ARHGEF3: variants seen among roughly 807,000 people sequenced by gnomAD.
ARHGEF3 encodes 59.8 kDA protein.
A neutral mutation model predicts 63.2 loss-of-function variants in ARHGEF3; 28 were observed. The ratio of observed to expected loss-of-function variants is 0.44; its 90% CI spans 0.33 to 0.61. The LOEUF (loss-of-function observed/expected upper bound fraction) is 0.61, where lower values mean the gene tolerates loss of function less well. Ranked by LOEUF, ARHGEF3 falls within the 20% of genes least tolerant of loss-of-function variation. The pLI is 0.03. For missense variants in ARHGEF3, 533 were observed against 659.3 expected (o/e 0.81, Z 2.10); for synonymous variants, 266 against 254.2 (o/e 1.05, Z -0.44).
chr3:56,899,317 AAC>A (rs1338927547), intron 3 of ARHGEF3, among the ~76,000 whole-genome samples: 2 of 152,228 alleles, frequency 1.3e-5, no homozygotes, highest in Non-Finnish European at 2.9e-5. Flanking sequence ...TTTACCCAGC[AAC>A]AGATCACATA....
rs116652263 is a variant in ARHGEF3, at chr3:56,867,667, C to T, written c.192+14625G>A. Among the ~76,000 whole-genome samples the T allele has an allele frequency of 4.0e-3, 605 of 152,118 alleles. 6 individuals are homozygous for T. Among genetic ancestry groups the T allele is most frequent in the African/African-American group, 0.013 (560 of 41,510 alleles). On this transcript the variant is annotated intron_variant, in intron 4 of 12. Coordinates refer to the ARHGEF3 transcript ENST00000338458. ...TATATTTTTCATAGAGACAGGGTTTCGTCGTGTTGCCCAGGTTGGTCTCGA... is the reference window on the plus strand; with the variant it reads ...TATATTTTTCATAGAGACAGGGTTTTGTCGTGTTGCCCAGGTTGGTCTCGA...
chr3:56,819,517 T>G (rs895563583), intron 4 of ARHGEF3, among the ~76,000 whole-genome samples: 3 of 140,204 alleles, frequency 2.1e-5, no homozygotes, highest in Admixed American at 6.8e-5. Flanking sequence ...GGCAGTTTTT[T>G]TTTTTTTTTT....
At chr3:56,978,100 C>T (rs1181497326) in intron 2 of ARHGEF3, among the ~76,000 whole-genome samples, 3 of 152,174 alleles carry the variant, frequency 2.0e-5, no homozygotes, top group Non-Finnish European at 1.5e-5. Context: ...GTGCGGTCAC[C>T]CCCGCCCCGT....
chr3:57,069,213 G>A (rs1377266014), intron 1 of ARHGEF3, among the ~76,000 whole-genome samples: 1 of 152,132 alleles, frequency 6.6e-6, no homozygotes, highest in Non-Finnish European at 1.5e-5. Context: ...GAGCCACCAC[G>A]CCTGGCCTAG....
At chr3:56,905,077 C>G (rs1443831625) in intron 3 of ARHGEF3, among the ~76,000 whole-genome samples, 2 of 152,202 alleles carry the variant, frequency 1.3e-5, no homozygotes, top group African/African-American at 4.8e-5. Flanking sequence ...CTGAAGGACT[C>G]CTATGCATCT....
At chr3:56,864,035 G>A (rs1227707881) in intron 4 of ARHGEF3, among the ~76,000 whole-genome samples, 8 of 152,262 alleles carry the variant, frequency 5.3e-5, no homozygotes, top group South Asian at 2.1e-4. Context: ...CTGCCCTACA[G>A]ACAGCTAAGC....
In ARHGEF3 at chr3:56,795,645, G is replaced by GTC. The variant is rs202134906; in HGVS notation, c.96+6056_96+6057dup. Among the ~76,000 whole-genome samples, 179 of 92,968 alleles carry GTC rather than the reference G, an allele frequency of 1.9e-3. 7 individuals carry two copies. Among genetic ancestry groups the GTC allele is most frequent in the African/African-American group, 2.4e-3 (44 of 18,256 alleles). The allele number at this position is 92,968 out of a possible 152,430, so 61.0% of individuals were successfully genotyped here. A position where few individuals can be genotyped will look rare whatever the true frequency, so the allele number is the denominator to read the frequency against. ...CCTTTCCTGATTAACTTGTGACACAGTCTCTCTCTCTTTTTTTTTTTTGAA... is the reference window on the plus strand; with the variant it reads ...CCTTTCCTGATTAACTTGTGACACAGTCTCTCTCTCTCTTTTTTTTTTTTGAA... On this transcript the variant is annotated intron_variant, in intron 1 of 9. Coordinates refer to ENST00000296315, the MANE Select transcript of ARHGEF3 (RefSeq NM_019555.3).
At chr3:57,055,163 C>CTTTT (rs71623876) in intron 1 of ARHGEF3, among the ~76,000 whole-genome samples, 2 of 135,304 alleles carry the variant, frequency 1.5e-5, no homozygotes, top group African/African-American at 5.4e-5. Flanking sequence ...TCTCTTTATG[C>CTTTT]TTTTTTTTTT....
intron 2 of ARHGEF3, among the ~76,000 whole-genome samples, chr3:57,012,408 G>A (rs944802036): frequency 5.9e-5 from 9 of 152,040 alleles, no homozygotes; most frequent in Non-Finnish European, 8.8e-5. Context: ...ACTGGTGCCC[G>A]CCATGACACC....
intron 4 of ARHGEF3, among the ~76,000 whole-genome samples, chr3:56,817,886 C>G (rs1233226679): frequency 2.0e-5 from 3 of 152,198 alleles, no homozygotes; most frequent in Non-Finnish European, 4.4e-5. Flanking sequence ...ACACCATGGG[C>G]AAGTGGCTTT....
chr3:57,016,738 C>T (rs1378709313), intron 2 of ARHGEF3, among the ~76,000 whole-genome samples: 1 of 152,108 alleles, frequency 6.6e-6, no homozygotes, highest in African/African-American at 2.4e-5. Flanking sequence ...TGAGTTGGTG[C>T]ACAGTGTCCT....
intron 3 of ARHGEF3, among the ~76,000 whole-genome samples, chr3:56,950,721 C>T (rs1459763138): frequency 1.3e-5 from 2 of 152,068 alleles, no homozygotes; most frequent in Admixed American, 6.5e-5. Flanking sequence ...GTCAGTGTGG[C>T]GATTCCTCAG....
intron 1 of ARHGEF3, among the ~76,000 whole-genome samples, chr3:56,776,524 A>G (rs564477126): frequency 3.2e-4 from 49 of 152,336 alleles, no homozygotes; most frequent in East Asian, 7.7e-4. Context: ...ACATGAGTAA[A>G]ATATGAATTA....
chr3:56,752,764 C>T (rs980051683), intron 4 of ARHGEF3, among the ~76,000 whole-genome samples: 2 of 152,136 alleles, frequency 1.3e-5, no homozygotes, highest in African/African-American at 4.8e-5. Context: ...TCCAGCTCTG[C>T]CTAAAACTCA....
Position 56,948,009 on chromosome 3 carries a change from A to G in ARHGEF3, c.129+10814T>C, listed in dbSNP as rs368163572. Among the ~76,000 whole-genome samples the G allele has an allele frequency of 1.3e-3, 201 of 152,334 alleles. 1 individual carries two copies. Among genetic ancestry groups the G allele is most frequent in the Non-Finnish European group, 2.3e-3 (156 of 68,036 alleles). ...CCGCTCAACTACATGGAAACTGAAC[A>G]ACCTGCTCCTGAATGACTACTGGGT... is the stretch of plus-strand genomic sequence containing the variant. On this transcript the variant is annotated intron_variant, in intron 3 of 12. Transcript: ENST00000338458.
At chr3:56,905,522 C>T (rs2041655624) in intron 3 of ARHGEF3, among the ~76,000 whole-genome samples, 1 of 152,230 alleles carries the variant, frequency 6.6e-6, no homozygotes, top group Admixed American at 6.5e-5. Context: ...TCTTCTGCTG[C>T]AGCAAATATC....
At chr3:56,990,220 A>G (rs62251153) in intron 2 of ARHGEF3, among the ~76,000 whole-genome samples, 56,807 of 152,136 alleles carry the variant, frequency 0.37, 11,323 homozygotes, top group Middle Eastern at 0.51. Context: ...AGAAGAGGAA[A>G]GTCTTCTGGG....
chr3:56,727,841 A>G lies in ARHGEF3; in HGVS notation c.*1429T>C, dbSNP rs1413644470. 2 of 152,646 alleles carry G rather than the reference A, an allele frequency of 1.3e-5. No homozygotes were observed. The highest frequency in any genetic ancestry group is 3.8e-4 in the East Asian group (2 of 5,204). 9.5% of individuals were successfully genotyped at this position (152,646 alleles called of 1,614,324 possible). A position where few individuals can be genotyped will look rare whatever the true frequency, so the allele number is the denominator to read the frequency against. On this transcript the variant is annotated 3_prime_UTR_variant, in exon 10 of 10. Coordinates refer to ENST00000296315, the MANE Select transcript of ARHGEF3 (RefSeq NM_019555.3). ...GTATATACCTTGTTTTTATATTGAT[A>G]TATCTTGTCACACAGCTTGAATGCA...
At chr3:57,010,851 C>A (rs1466047595) in intron 2 of ARHGEF3, among the ~76,000 whole-genome samples, 1 of 152,164 alleles carries the variant, frequency 6.6e-6, no homozygotes, top group African/African-American at 2.4e-5. Flanking sequence ...CATTTGGACC[C>A]TTGTTCATCG....
Sources: gnomAD v4.1 joint callset for allele counts (sites outside exome capture counted in the v4.1 genomes callset) on GRCh38, gnomAD v4.1.1 for gene constraint, MANE v1.5 for transcripts, NCBI Gene and HGNC (gene_info 2026-07-23, HGNC 2026-07-21) for gene names.